SDK2: variants seen among roughly 807,000 people sequenced by gnomAD.
The protein encoded by SDK2 is sidekick cell adhesion molecule 2.
In SDK2, 105 loss-of-function variants were observed where a neutral mutation model predicts 253.9. The ratio of observed to expected loss-of-function variants is 0.41; its 90% CI spans 0.35 to 0.49. The LOEUF is 0.49. Among genes scored for constraint, SDK2 ranks in the 20% least tolerant of loss-of-function variants. The pLI, the probability that SDK2 is intolerant of heterozygous loss-of-function variation, is 0.06. For synonymous variants in SDK2, 1,249 were observed against 1,234.9 expected (o/e 1.01, Z -0.24); for missense variants, 2,608 against 3,003.0 (o/e 0.87, Z 3.07).
chr17:73,517,472 C>T (rs2064038330), intron 1 of SDK2: 1 of 152,196 alleles, frequency 6.6e-6, no homozygotes, highest in Non-Finnish European at 1.5e-5. Context: ...GAGGCAGGGA[C>T]TGAAGCGACG....
At position 73,363,366 on chromosome 17, in the gene SDK2, G is replaced by A. The variant is rs191914432; in HGVS notation, c.5306-1521C>T. ...ATTGCAGGTGTGAGCCACTGCACCC[G>A]GCCGCTAAGTGGATTACTAAATGAT... On this transcript the variant is annotated intron_variant, in intron 38 of 44. Transcript: ENST00000392650. Among the ~76,000 whole-genome samples, 37 of 152,308 alleles carry A rather than the reference G, an allele frequency of 2.4e-4. 2 individuals carry two copies. The South Asian group carries it at 4.6e-3, about 19-fold the overall frequency.
chr17:73,514,339 C>A (rs1278378204), intron 1 of SDK2, among the ~76,000 whole-genome samples: 1 of 152,202 alleles, frequency 6.6e-6, no homozygotes, highest in Non-Finnish European at 1.5e-5. Flanking sequence ...CCTTGATATT[C>A]GCACTAAATA....
intron 1 of SDK2, chr17:73,517,278 T>C (rs2064036900): frequency 6.6e-6 from 1 of 152,136 alleles, no homozygotes; most frequent in African/African-American, 2.4e-5. Flanking sequence ...CTCCCCCAAA[T>C]TCATGTCCTT....
At position 73,587,681 on chromosome 17, in the gene SDK2, C is replaced by T. The variant is rs187861408; in HGVS notation, c.64+56344G>A. Among the ~76,000 whole-genome samples, 1,257 of 152,310 alleles carry T rather than the reference C, an allele frequency of 8.3e-3. 6 individuals carry two copies. The highest frequency in any genetic ancestry group is 0.013 in the Non-Finnish European group (889 of 68,038). ...TCTTCCAGCCCCGGGGGACAATCACCTTCCTATCTGAGACCCAGCGCTCTG... is the reference window on the plus strand; with the variant it reads ...TCTTCCAGCCCCGGGGGACAATCACTTTCCTATCTGAGACCCAGCGCTCTG... On this transcript the variant is annotated intron_variant, in intron 1 of 44. Transcript: ENST00000392650.
At position 73,643,243 on chromosome 17, in the gene SDK2, C is replaced by T. The variant is rs2046420189; in HGVS notation, c.64+782G>A. On this transcript the variant is annotated intron_variant, in intron 1 of 44. Transcript: ENST00000392650. The surrounding 1 kb of genome is among the most constrained non-coding windows in gnomAD (Gnocchi z 6.9). ...AAACCCAAAGCCACCAGCCCTTCTCCACCGCGAGGCTGCTCCCGGCAGCCA... is the reference window on the plus strand; with the variant it reads ...AAACCCAAAGCCACCAGCCCTTCTCTACCGCGAGGCTGCTCCCGGCAGCCA... The T allele has an allele frequency of 1.3e-5, 2 of 152,572 alleles. No individual in the cohort carries two copies. The highest frequency in any genetic ancestry group is 6.5e-5 in the Admixed American group (1 of 15,300). The allele number at this position is 152,572 out of a possible 1,614,324, so 9.5% of individuals were successfully genotyped here. A position where few individuals can be genotyped will look rare whatever the true frequency, so the allele number is the denominator to read the frequency against.
intron 2 of SDK2, among the ~76,000 whole-genome samples, chr17:73,475,266 C>T (rs2063678239): frequency 6.6e-6 from 1 of 152,202 alleles, no homozygotes; most frequent in African/African-American, 2.4e-5. Context: ...ATTCTCCTGC[C>T]TCAGCCTCCC....
At chr17:73,433,909 G>A (rs1218714147) in intron 9 of SDK2, 61 bp from the exon 10 acceptor site, 1 of 1,220,570 alleles carries the variant, frequency 8.2e-7, no homozygotes, top group Non-Finnish European at 1.1e-6. Context: ...CAAGCCAGAG[G>A]GCCAGGGGCC....
chr17:73,525,780 G>A (rs942080008), intron 1 of SDK2, among the ~76,000 whole-genome samples: 1 of 149,150 alleles, frequency 6.7e-6, no homozygotes, highest in Admixed American at 6.7e-5. Flanking sequence ...CCTAGATTTC[G>A]GTGCCCTTGA....
chr17:73,355,175 T>TATATATATATATATATATATATA (rs1555750470), intron 40 of SDK2, among the ~76,000 whole-genome samples: 25 of 15,646 alleles, frequency 1.6e-3, no homozygotes, highest in Admixed American at 2.9e-3. Context: ...TATATATATA[T>TATATATATATATATATATATATA]TTTTTTTTTT....
At chr17:73,597,663 T>C (rs1295071116) in intron 1 of SDK2, among the ~76,000 whole-genome samples, 8 of 151,380 alleles carry the variant, frequency 5.3e-5, no homozygotes, top group Non-Finnish European at 1.2e-4. Flanking sequence ...TTTTTTTTTT[T>C]GAGACAGAGT....
chr17:73,436,579 A>C (rs1031720288), intron 8 of SDK2, among the ~76,000 whole-genome samples: 1 of 135,680 alleles, frequency 7.4e-6, no homozygotes, highest in African/African-American at 2.8e-5. Context: ...TCAGTCTCAA[A>C]AAAAAAAAAA....
At chr17:73,376,028 T>C (rs1185417363) in intron 36 of SDK2, among the ~76,000 whole-genome samples, 1 of 150,974 alleles carries the variant, frequency 6.6e-6, no homozygotes, top group Non-Finnish European at 1.5e-5. Context: ...ACCCCGTCTC[T>C]ACTAAAAACA....
chr17:73,410,008 C>G (rs1313998772), intron 18 of SDK2, among the ~76,000 whole-genome samples: 1 of 152,176 alleles, frequency 6.6e-6, no homozygotes, highest in African/African-American at 2.4e-5. Flanking sequence ...GCACTCAACA[C>G]CACACCTGAC....
At chr17:73,634,893 G>A (rs1374591368) in intron 1 of SDK2, among the ~76,000 whole-genome samples, 1 of 152,142 alleles carries the variant, frequency 6.6e-6, no homozygotes, top group African/African-American at 2.4e-5. Flanking sequence ...TGAAGAAACT[G>A]AGGCATAGAC....
chr17:73,547,267 G>A (rs1182328987), intron 1 of SDK2, among the ~76,000 whole-genome samples: 1 of 152,284 alleles, frequency 6.6e-6, no homozygotes, highest in Non-Finnish European at 1.5e-5. Flanking sequence ...CTGCAACTCA[G>A]GGGATGGGAG....
chr17:73,433,221 G>C (rs1376975475), intron 10 of SDK2, among the ~76,000 whole-genome samples: 1 of 152,124 alleles, frequency 6.6e-6, no homozygotes, highest in African/African-American at 2.4e-5. Context: ...AACTCACCAG[G>C]GTGGCAGGTC....
intron 3 of SDK2, among the ~76,000 whole-genome samples, chr17:73,461,675 A>T (rs928973916): frequency 6.6e-6 from 1 of 152,074 alleles, no homozygotes; most frequent in Non-Finnish European, 1.5e-5. Context: ...GAATAGGTGG[A>T]TGGAGGAAAG....
chr17:73,491,135 C>G (rs2063803681), intron 2 of SDK2, among the ~76,000 whole-genome samples: 1 of 152,180 alleles, frequency 6.6e-6, no homozygotes, highest in Non-Finnish European at 1.5e-5. Context: ...AGTCGGCAAT[C>G]TTTAAGAGTT....
chr17:73,342,554 GT>G (rs2062448225), intron 44 of SDK2, among the ~76,000 whole-genome samples: 1 of 152,198 alleles, frequency 6.6e-6, no homozygotes, highest in African/African-American at 2.4e-5. Flanking sequence ...ATGTCCCCCA[GT>G]TTTCCCTACA....
Sources: gnomAD v4.1 joint callset for allele counts (sites outside exome capture counted in the v4.1 genomes callset) on GRCh38, gnomAD v4.1.1 for gene constraint, Gnocchi (gnomAD v3.1) non-coding constraint, MANE v1.5 for transcripts, NCBI Gene and HGNC (gene_info 2026-07-23, HGNC 2026-07-21) for gene names.